The following GATA3 variants were observed in gnomAD, a reference collection of about 807,000 sequenced individuals.
GATA3 encodes GATA binding protein 3.
Under a neutral mutation model 36.0 loss-of-function variants are expected in GATA3, and 6 were observed. The ratio of observed to expected loss-of-function variants is 0.17; its 90% CI spans 0.09 to 0.33. The LOEUF (loss-of-function observed/expected upper bound fraction) is 0.33. Ranked by LOEUF, GATA3 falls within the 10% of genes least tolerant of loss-of-function variation. The pLI is 1.00. For missense variants in GATA3, 514 were observed against 610.1 expected (o/e 0.84, Z 1.66); for synonymous variants, 326 against 273.0 (o/e 1.19, Z -1.92).
intron 1 of GATA3, among the ~76,000 whole-genome samples, chr10:8,047,912 T>G (rs372294217): frequency 5.4e-5 from 8 of 149,528 alleles, no homozygotes; most frequent in African/African-American, 2.0e-4. Flanking sequence ...CAAACATGGA[T>G]TTTTTTTTTC....
upstream of GATA3, among the ~76,000 whole-genome samples, chr10:8,054,459 G>A (rs1019777407): frequency 6.6e-6 from 1 of 152,078 alleles, no homozygotes; most frequent in Admixed American, 6.6e-5. This position sits in a 1 kb window ranked among gnomAD's most constrained non-coding sequence, Gnocchi z 4.2. Flanking sequence ...CACCCTGCCC[G>A]CCGCCCCTCC....
Position 8,055,473 on chromosome 10 carries a change from T to C in GATA3, c.-183T>C. 1 of 692,952 alleles carries C rather than the reference T, an allele frequency of 1.4e-6. No individual in the cohort carries two copies. Among genetic ancestry groups the C allele is most frequent in the Non-Finnish European group, 2.4e-6 (1 of 422,596 alleles). 42.9% of individuals were successfully genotyped at this position (692,952 alleles called of 1,614,324 possible). A position where few individuals can be genotyped will look rare whatever the true frequency, so the allele number is the denominator to read the frequency against. On this transcript the variant is annotated 5_prime_UTR_variant, in exon 2 of 6. Transcript: ENST00000379328. The surrounding 1 kb of genome is among the most constrained non-coding windows in gnomAD (Gnocchi z 5.4). ...TAAACGACCCCTCCAAGATAATTTT[T>C]AAAAAACCTTCTCCTTTGCTCACCT...
intron 5 of GATA3, among the ~76,000 whole-genome samples, chr10:8,071,368 T>A (rs1415585092): frequency 2.6e-5 from 4 of 152,026 alleles, no homozygotes; most frequent in Non-Finnish European, 4.4e-5. Flanking sequence ...TGTAACAAAT[T>A]GTGTGTGTGT....
At chr10:8,073,204 T>TACA (rs1270194694) in intron 5 of GATA3, among the ~76,000 whole-genome samples, 10 of 97,732 alleles carry the variant, frequency 1.0e-4, no homozygotes, top group African/African-American at 3.9e-4. Context: ...TTTCATAAAA[T>TACA]ACAACCCGGC....
At chr10:8,067,074 ATAATT>A (rs1163203573) in intron 4 of GATA3, among the ~76,000 whole-genome samples, 1 of 152,136 alleles carries the variant, frequency 6.6e-6, no homozygotes, top group South Asian at 2.1e-4. Context: ...ATAATCACAT[ATAATT>A]TAATTGTCAA....
rs965874212 is a variant in GATA3, at chr10:8,055,630, G to A, written c.-26G>A. 6.5e-7 allele frequency: 1 copy of A among 1,545,580 alleles called. No individual in the cohort carries two copies. The highest frequency in any genetic ancestry group is 8.7e-7 in the Non-Finnish European group (1 of 1,147,192). Reference sequence around the variant, plus strand: ...CCCGCGCGCGGGTTCCGGGCCCGGCGAGAGGGCGCGAGCACAGCCGAGGCC... The same window carrying A: ...CCCGCGCGCGGGTTCCGGGCCCGGCAAGAGGGCGCGAGCACAGCCGAGGCC... On this transcript the variant is annotated 5_prime_UTR_variant, in exon 2 of 6. Transcript: ENST00000379328. This position sits in a 1 kb window ranked among gnomAD's most constrained non-coding sequence, Gnocchi z 5.4.
rs1832991736 is a variant in GATA3, at chr10:8,074,987, C to T, written c.*964C>T. ...CTTCTAAGAGTCCGGCGGCATCTGT[C>T]TTGTCCCTATTCCTGCAGCCTGTGC... is the stretch of plus-strand genomic sequence containing the variant. On this transcript the variant is annotated 3_prime_UTR_variant, in exon 6 of 6. Transcript: ENST00000379328. The T allele has an allele frequency of 4.3e-6, 1 of 233,456 alleles. No homozygotes were observed. The highest frequency in any genetic ancestry group is 8.5e-6 in the Non-Finnish European group (1 of 118,016). The allele number at this position is 233,456 out of a possible 1,614,324, so 14.5% of individuals were successfully genotyped here. A position where few individuals can be genotyped will look rare whatever the true frequency, so the allele number is the denominator to read the frequency against.
chr10:8,051,346 G>A (rs1028886049), upstream of GATA3: 3 of 264,108 alleles, frequency 1.1e-5, no homozygotes, highest in Non-Finnish European at 1.6e-5. Context: ...GGCTGCTGCC[G>A]ACCCGCACGC....
At position 8,075,168 on chromosome 10, in the gene GATA3, A is replaced by G. The variant is rs1367895120; in HGVS notation, c.*1145A>G. ...AGTCTGTTGGAATAATATTATAAGCATAATAATAAAGTGAAAATATTTTAA... is the reference window on the plus strand; with the variant it reads ...AGTCTGTTGGAATAATATTATAAGCGTAATAATAAAGTGAAAATATTTTAA... On this transcript the variant is annotated 3_prime_UTR_variant, in exon 6 of 6. Coordinates refer to ENST00000379328, the MANE Select transcript of GATA3 (RefSeq NM_001002295.2). 4.3e-6 allele frequency: 1 copy of G among 230,484 alleles called. No homozygotes were observed. 14.3% of individuals were successfully genotyped at this position (230,484 alleles called of 1,614,324 possible).
chr10:8,070,332 G>T (rs1467969724), intron 5 of GATA3, among the ~76,000 whole-genome samples: 5 of 151,420 alleles, frequency 3.3e-5, no homozygotes, highest in Non-Finnish European at 7.4e-5. Context: ...CTTTCCATTT[G>T]GGGTCCTCTC....
upstream of GATA3, among the ~76,000 whole-genome samples, chr10:8,051,773 C>A (rs1832498894): frequency 6.6e-6 from 1 of 151,956 alleles, no homozygotes; most frequent in African/African-American, 2.4e-5. Flanking sequence ...CCCCCGCCCG[C>A]CAAGGGAGGA....
At chr10:8,063,287 C>T (rs545391968) in intron 3 of GATA3, among the ~76,000 whole-genome samples, 2 of 152,172 alleles carry the variant, frequency 1.3e-5, no homozygotes, top group Non-Finnish European at 2.9e-5. Flanking sequence ...CCTTGCACCC[C>T]CTGGCTGGGG....
intron 4 of GATA3, among the ~76,000 whole-genome samples, chr10:8,067,018 A>G (rs1417843084): frequency 1.3e-5 from 2 of 150,574 alleles, no homozygotes; most frequent in African/African-American, 4.9e-5. Context: ...TTAATCTGCT[A>G]TATCTGAGTA....
intron 2 of GATA3, 136 bp downstream of exon 2, chr10:8,056,032 A>T: frequency 1.6e-6 from 2 of 1,256,046 alleles, no homozygotes; most frequent in Non-Finnish European, 2.2e-6. Flanking sequence ...TTTACAAAAA[A>T]ATTGGGGCCC....
At chr10:8,064,469 A>G (rs539568843) in intron 4 of GATA3, among the ~76,000 whole-genome samples, 1 of 152,284 alleles carries the variant, frequency 6.6e-6, no homozygotes, top group South Asian at 2.1e-4. Context: ...TGGTATGAAC[A>G]GGACCAGAGC....
In GATA3 at chr10:8,055,255, C is replaced by T. The variant is rs1044934934; in HGVS notation, c.-369-32C>T. On this transcript the variant is annotated intron_variant, in intron 1 of 5. Transcript: ENST00000379328. This position sits in a 1 kb window ranked among gnomAD's most constrained non-coding sequence, Gnocchi z 5.4. ...TTGTGCCACTCCAGCAACTCAGGGGCTCATCCAGGTCTCCCATTCTCTCCC... is the reference window on the plus strand; with the variant it reads ...TTGTGCCACTCCAGCAACTCAGGGGTTCATCCAGGTCTCCCATTCTCTCCC... The T allele has an allele frequency of 1.4e-5, 5 of 347,408 alleles. No individual in the cohort carries two copies. The Admixed American group carries it at 1.9e-4, about 13-fold the overall frequency. The allele number at this position is 347,408 out of a possible 1,614,324, so 21.5% of individuals were successfully genotyped here. A position where few individuals can be genotyped will look rare whatever the true frequency, so the allele number is the denominator to read the frequency against.
At chr10:8,070,373 T>A (rs1832912406) in intron 5 of GATA3, among the ~76,000 whole-genome samples, 2 of 130,962 alleles carry the variant, frequency 1.5e-5, no homozygotes, top group African/African-American at 7.4e-5. Context: ...CTTAAAAAAT[T>A]TTTTTTTCAG....
chr10:8,071,069 TG>T (rs1832923458), intron 5 of GATA3, among the ~76,000 whole-genome samples: 1 of 152,250 alleles, frequency 6.6e-6, no homozygotes, highest in Non-Finnish European at 1.5e-5. Flanking sequence ...AAATTATTTT[TG>T]GGCTGTAATT....
In GATA3 at chr10:8,064,187, T is replaced by C. The variant is rs11567918; in HGVS notation, c.924+49T>C. On this transcript the variant is annotated intron_variant, in intron 4 of 5. Coordinates refer to ENST00000379328, the MANE Select transcript of GATA3 (RefSeq NM_001002295.2). ...TTCCATGCTGACCATTCTGGGTTTCTCATTTCCTCTCTTCCGGAAGGACAG... is the reference window on the plus strand; with the variant it reads ...TTCCATGCTGACCATTCTGGGTTTCCCATTTCCTCTCTTCCGGAAGGACAG... 2.4e-4 allele frequency: 383 copies of C among 1,610,780 alleles called. 2 individuals are homozygous for C. In the African/African-American group the frequency reaches 4.7e-3, roughly 20 times the overall value.
Sources: gnomAD v4.1 joint callset for allele counts (sites outside exome capture counted in the v4.1 genomes callset) on GRCh38, gnomAD v4.1.1 for gene constraint, Gnocchi (gnomAD v3.1) non-coding constraint, MANE v1.5 for transcripts, NCBI Gene and HGNC (gene_info 2026-07-23, HGNC 2026-07-21) for gene names.